DSG4: variants seen among roughly 807,000 people sequenced by gnomAD.
The protein encoded by DSG4 is desmoglein 4.
In DSG4, 87 loss-of-function variants were observed where a neutral mutation model predicts 93.1. The ratio of observed to expected loss-of-function variants is 0.93; its 90% CI spans 0.79 to 1.12. DSG4 has a LOEUF of 1.12. Among genes scored for constraint, DSG4 ranks in the 50% most tolerant of loss-of-function variants. DSG4 has a pLI of 0.00. For synonymous variants in DSG4, 432 were observed against 452.9 expected, an observed-to-expected ratio of 0.95 and a Z score of 0.59; for missense variants, 1,373 against 1,285.7, an observed-to-expected ratio of 1.07 and a Z score of -1.04.
At chr18:31,377,848 C>G (rs11875880) in intron 1 of DSG4, among the ~76,000 whole-genome samples, 95,930 of 152,068 alleles carry the variant, frequency 0.63, 31,528 homozygotes, top group East Asian at 0.85. Flanking sequence ...CTTCAATCTC[C>G]CAGGAGTATC....
In DSG4 at chr18:31,386,740, G is replaced by T. The variant is rs748868284; in HGVS notation, c.137G>T (p.Arg46Ile). Residue 46 changes from arginine (R) to isoleucine (I), a missense_variant, in exon 3 of 16, where the codon AGA (arginine) becomes ATA (isoleucine). Transcript: ENST00000308128. ...NGTTKWQTVRRQKREWIKFAA... is the reference protein window; with the variant it reads ...NGTTKWQTVRIQKREWIKFAA... ...ACTACAAAATGGCAAACAGTCAGAAGACAAAAGCGGGAGTGGATCAAGTTT... is the reference window on the plus strand; with the variant it reads ...ACTACAAAATGGCAAACAGTCAGAATACAAAAGCGGGAGTGGATCAAGTTT... 1 of 1,613,514 alleles carries T rather than the reference G, an allele frequency of 6.2e-7. No homozygotes were observed. Among genetic ancestry groups the T allele is most frequent in the East Asian group, 2.2e-5 (1 of 44,872 alleles).
At chr18:31,383,586 A>G (rs1183255235) in intron 1 of DSG4, among the ~76,000 whole-genome samples, 2 of 151,914 alleles carry the variant, frequency 1.3e-5, no homozygotes, top group Non-Finnish European at 2.9e-5. Context: ...TTAAAATACT[A>G]GAGTTTTAAA....
chr18:31,380,030 C>T (rs931053719), intron 1 of DSG4, among the ~76,000 whole-genome samples: 2 of 152,134 alleles, frequency 1.3e-5, no homozygotes, highest in African/African-American at 4.8e-5. Context: ...TAAGGAATTA[C>T]TAAATGTATT....
At chr18:31,385,420 T>C (rs1425202301) in intron 2 of DSG4, among the ~76,000 whole-genome samples, 1 of 152,214 alleles carries the variant, frequency 6.6e-6, no homozygotes, top group Non-Finnish European at 1.5e-5. Flanking sequence ...GAGTAGTTTA[T>C]TTATGTTTTC....
In DSG4 at chr18:31,413,146, G is replaced by A. The variant is rs770885977; in HGVS notation, c.2674G>A (p.Glu892Lys). The change falls in exon 16 of 16, where the codon GAA becomes AAA. Residue 892 changes from glutamate to lysine, a missense_variant. Transcript: ENST00000308128. ...GACTCCCTCAGAAGTTGAATTCCAA[G>A]AAGAAATGGCAGCATCTGAACCCGT... The part of the protein sequence containing the change: ...GLTPSEVEFQ[E>K]EMAASEPVVH... 1 of 1,614,104 alleles carries A rather than the reference G, an allele frequency of 6.2e-7. No individual in the cohort carries two copies. Among genetic ancestry groups the A allele is most frequent in the Non-Finnish European group, 8.5e-7 (1 of 1,180,026 alleles).
chr18:31,395,227 G>A (rs2072293412), intron 8 of DSG4, among the ~76,000 whole-genome samples: 1 of 150,794 alleles, frequency 6.6e-6, no homozygotes, highest in Admixed American at 6.6e-5. Context: ...CTTATGTAAT[G>A]TGCCTTCTGT....
Position 31,403,573 on chromosome 18 carries a change from T to C in DSG4, c.1575T>C (p.Thr525=). Residue 525 remains threonine (T), a synonymous_variant, in exon 11 of 16, where the codon ACT becomes ACC. Coordinates refer to ENST00000308128, the MANE Select transcript of DSG4 (RefSeq NM_177986.5). ...VNEHSYGSPF[T]FCVVDEPPGI... is the part of the protein sequence containing the mutation. ...AACATTCTTATGGGTCTCCGTTTAC[T>C]TTCTGTGTTGTTGATGAGCCACCAG... is the stretch of plus-strand genomic sequence containing the variant. 2 of 1,614,108 alleles carry C rather than the reference T, an allele frequency of 1.2e-6. No homozygotes were observed. Among genetic ancestry groups the C allele is most frequent in the Non-Finnish European group, 1.7e-6 (2 of 1,179,956 alleles).
chr18:31,394,751 G>A (rs2072287939), intron 8 of DSG4, among the ~76,000 whole-genome samples: 1 of 151,784 alleles, frequency 6.6e-6, no homozygotes. Flanking sequence ...AGAGGAACAA[G>A]AGGTCACCTC....
At chr18:31,392,799 G>T (rs1443160594) in intron 8 of DSG4, among the ~76,000 whole-genome samples, 1 of 152,166 alleles carries the variant, frequency 6.6e-6, no homozygotes. Context: ...AGCTAAGATT[G>T]CTAATGTGGG....
chr18:31,399,530 G>A lies in DSG4; in HGVS notation c.1264G>A (p.Ala422Thr), dbSNP rs147025179. Reference protein sequence around the residue: ...TAIDLDTGNPATDVRYIIGHD... With the variant: ...TAIDLDTGNPTTDVRYIIGHD... ...CATAGATTTGGACACAGGAAACCCTGCAACAGATGTCAGGTACTGCAACTA... is the reference window on the plus strand; with the variant it reads ...CATAGATTTGGACACAGGAAACCCTACAACAGATGTCAGGTACTGCAACTA... The change falls in exon 9 of 16, where the codon GCA becomes ACA. Residue 422 changes from alanine to threonine, a missense_variant. Coordinates refer to ENST00000308128, the MANE Select transcript of DSG4 (RefSeq NM_177986.5). 101 of 1,613,840 alleles carry A rather than the reference G, an allele frequency of 6.3e-5. No homozygotes were observed. The highest frequency in any genetic ancestry group is 8.1e-5 in the Non-Finnish European group (95 of 1,179,912).
At chr18:31,387,819 A>C (rs2072204137) in intron 3 of DSG4, among the ~76,000 whole-genome samples, 1 of 152,190 alleles carries the variant, frequency 6.6e-6, no homozygotes, top group Non-Finnish European at 1.5e-5. Context: ...TAAAGCTACT[A>C]AAGCAAAATC....
chr18:31,403,310 T>G, intron 10 of DSG4, 106 bp from the exon 11 acceptor site: 1 of 958,660 alleles, frequency 1.0e-6, no homozygotes, highest in Non-Finnish European at 1.6e-6. Context: ...GCCTCCCAAG[T>G]CACGTATATG....
At chr18:31,389,391 T>G (rs2072224796) in intron 5 of DSG4, among the ~76,000 whole-genome samples, 1 of 152,132 alleles carries the variant, frequency 6.6e-6, no homozygotes, top group African/African-American at 2.4e-5. Flanking sequence ...CCACACCAGG[T>G]AGAGCGTGAT....
intron 8 of DSG4, among the ~76,000 whole-genome samples, chr18:31,395,512 A>G (rs2072296122): frequency 6.6e-6 from 1 of 152,180 alleles, no homozygotes; most frequent in Admixed American, 6.5e-5. Flanking sequence ...TTTAGAGAAC[A>G]TAAGCGTAAT....
intron 12 of DSG4, among the ~76,000 whole-genome samples, chr18:31,407,150 CCA>C (rs1273546182): frequency 6.6e-6 from 1 of 151,832 alleles, no homozygotes; most frequent in African/African-American, 2.4e-5. Context: ...CAAAAAAAAA[CCA>C]CACACACAAA....
At chr18:31,391,887 A>C (rs911785286) in intron 7 of DSG4, among the ~76,000 whole-genome samples, 5 of 152,128 alleles carry the variant, frequency 3.3e-5, no homozygotes, top group African/African-American at 1.2e-4. Context: ...AAAGAAAATT[A>C]ACAATAAGCA....
At chr18:31,395,928 G>A (rs2072300545) in intron 8 of DSG4, among the ~76,000 whole-genome samples, 2 of 152,236 alleles carry the variant, frequency 1.3e-5, no homozygotes, top group Admixed American at 1.3e-4. Flanking sequence ...CAGGGAGGCA[G>A]AAGAAAAATA....
At chr18:31,405,271 A>G (rs955341464) in intron 11 of DSG4, among the ~76,000 whole-genome samples, 3 of 152,348 alleles carry the variant, frequency 2.0e-5, no homozygotes, top group African/African-American at 7.2e-5. Context: ...TTCATAGGCA[A>G]TGATAGCACA....
chr18:31,392,351 A>G lies in DSG4; in HGVS notation c.1005+11A>G. 6.2e-7 allele frequency: 1 copy of G among 1,612,946 alleles called. No homozygotes were observed. The highest frequency in any genetic ancestry group is 8.5e-7 in the Non-Finnish European group (1 of 1,179,314). On this transcript the variant is annotated intron_variant, in intron 8 of 15. Coordinates refer to ENST00000308128, the MANE Select transcript of DSG4 (RefSeq NM_177986.5). ...TTGAAAGTTGTCAAGGTACAGTATA[A>G]GGATCTGCAATATTTTCTTCCAAAA...
Sources: allele counts gnomAD v4.1 joint callset (sites outside exome capture counted in the v4.1 genomes callset), GRCh38; gene constraint gnomAD v4.1.1; transcripts MANE v1.5; gene names NCBI Gene and HGNC (gene_info 2026-07-23, HGNC 2026-07-21).